ERBB4: variants seen among roughly 807,000 people sequenced by gnomAD.
ERBB4 encodes erb-b2 receptor tyrosine kinase 4, also known as receptor tyrosine-protein kinase erbB-4.
ERBB4 carries 42 observed loss-of-function variants against 158.0 expected under a neutral mutation model. That is an observed-to-expected ratio of 0.27 (90% CI 0.21 to 0.34). The LOEUF is 0.34. Ranked by LOEUF, ERBB4 falls within the 10% of genes least tolerant of loss-of-function variation. The pLI is 1.00. For synonymous variants in ERBB4, 583 were observed against 558.7 expected, an observed-to-expected ratio of 1.04 and a Z score of -0.61; for missense variants, 1,333 against 1,624.1, an observed-to-expected ratio of 0.82 and a Z score of 3.08.
chr2:212,221,655 A>G (rs1195759599), intron 1 of ERBB4, among the ~76,000 whole-genome samples: 3 of 151,670 alleles, frequency 2.0e-5, no homozygotes, highest in East Asian at 3.9e-4. Context: ...TGTGCCTGTC[A>G]AAAACAAAAT....
chr2:211,574,587 T>G (rs1879532), intron 19 of ERBB4, among the ~76,000 whole-genome samples: 107,687 of 152,074 alleles, frequency 0.71, 40,576 homozygotes, highest in East Asian at 0.89. Flanking sequence ...TCAGAATTGA[T>G]GTGAAAAATT....
intron 1 of ERBB4, among the ~76,000 whole-genome samples, chr2:212,500,840 C>A (rs1378149381): frequency 1.3e-5 from 2 of 152,066 alleles, no homozygotes; most frequent in East Asian, 3.9e-4. Context: ...AAAAAAGCAA[C>A]CTGCTAATCT....
chr2:211,716,697 C>CAACAA (rs1230963191), intron 7 of ERBB4, among the ~76,000 whole-genome samples: 2 of 126,042 alleles, frequency 1.6e-5, no homozygotes, highest in African/African-American at 3.4e-5. Context: ...ACAACAACAA[C>CAACAA]AACAAAACAA....
At chr2:211,754,955 C>A (rs943540406) in intron 4 of ERBB4, among the ~76,000 whole-genome samples, 3 of 152,170 alleles carry the variant, frequency 2.0e-5, no homozygotes, top group African/African-American at 7.2e-5. Context: ...CCTGTCTTGG[C>A]CTCCCAAAGT....
intron 1 of ERBB4, among the ~76,000 whole-genome samples, chr2:212,137,083 G>A (rs572965638): frequency 6.6e-6 from 1 of 152,058 alleles, no homozygotes; most frequent in Non-Finnish European, 1.5e-5. Flanking sequence ...AATCTCCAGT[G>A]GGTTGGTCTC....
intron 20 of ERBB4, among the ~76,000 whole-genome samples, chr2:211,442,137 C>A (rs1311456465): frequency 1.3e-5 from 2 of 152,074 alleles, no homozygotes; most frequent in East Asian, 3.9e-4. Flanking sequence ...ACTCTATGGC[C>A]AAGCAAAGCT....
chr2:211,531,426 G>T (rs2125662665), intron 20 of ERBB4, among the ~76,000 whole-genome samples: 1 of 151,326 alleles, frequency 6.6e-6, no homozygotes, highest in Non-Finnish European at 1.5e-5. Flanking sequence ...TCTGACAAGG[G>T]ATTAATAACC....
Position 211,998,575 on chromosome 2 carries a change from A to G in ERBB4, c.235-50959T>C, listed in dbSNP as rs534749737. 7.9e-5 allele frequency among the ~76,000 whole-genome samples: 12 copies of G among 151,104 alleles called. No individual in the cohort carries two copies. In the East Asian group the frequency reaches 2.3e-3, roughly 29 times the overall value. Reference sequence around the variant, plus strand: ...AATAATCCCTCCTTGACCTGAAATCAGCGTATACTTTGTAAGTAAATTTCC... The same window carrying G: ...AATAATCCCTCCTTGACCTGAAATCGGCGTATACTTTGTAAGTAAATTTCC... On this transcript the variant is annotated intron_variant, in intron 2 of 27. Transcript: ENST00000342788.
chr2:212,420,468 T>TTATTATA (rs1292483381), intron 1 of ERBB4, among the ~76,000 whole-genome samples: 1 of 152,168 alleles, frequency 6.6e-6, no homozygotes, highest in Non-Finnish European at 1.5e-5. Flanking sequence ...ATTTGGTCAG[T>TTATTATA]TATTATACTT....
chr2:212,447,774 T>TGGTG (rs2092383937), intron 1 of ERBB4, among the ~76,000 whole-genome samples: 1 of 147,104 alleles, frequency 6.8e-6, no homozygotes. Flanking sequence ...TCATAAAAGA[T>TGGTG]TGTGTGTGTG....
intron 20 of ERBB4, among the ~76,000 whole-genome samples, chr2:211,475,929 T>C (rs143675534): frequency 2.0e-5 from 3 of 152,160 alleles, no homozygotes; most frequent in African/African-American, 7.2e-5. Flanking sequence ...ACATAAAATG[T>C]TAAAATAACA....
chr2:211,482,765 C>T (rs1367256744), intron 20 of ERBB4, among the ~76,000 whole-genome samples: 12 of 151,926 alleles, frequency 7.9e-5, no homozygotes, highest in African/African-American at 2.9e-4. Flanking sequence ...AATAGCCGGG[C>T]GTGGTGGCAC....
chr2:211,682,878 T>C (rs1052505908), intron 12 of ERBB4, among the ~76,000 whole-genome samples: 1 of 152,054 alleles, frequency 6.6e-6, no homozygotes, highest in Admixed American at 6.6e-5. Flanking sequence ...TTTAATGTAA[T>C]AATTGAAATA....
intron 1 of ERBB4, among the ~76,000 whole-genome samples, chr2:212,314,920 G>A (rs1197403468): frequency 6.6e-6 from 1 of 151,192 alleles, no homozygotes; most frequent in Admixed American, 6.6e-5. Flanking sequence ...GACTGAGGCT[G>A]AATTAATTAA....
intron 20 of ERBB4, among the ~76,000 whole-genome samples, chr2:211,483,820 G>A (rs908843785): frequency 1.3e-5 from 2 of 151,864 alleles, no homozygotes; most frequent in Non-Finnish European, 2.9e-5. Context: ...CAAAGTGCTG[G>A]GACTACAGGC....
At chr2:212,324,418 A>G (rs1378635758) in intron 1 of ERBB4, among the ~76,000 whole-genome samples, 2 of 149,660 alleles carry the variant, frequency 1.3e-5, no homozygotes, top group African/African-American at 4.9e-5. Context: ...TAACCCAATC[A>G]TTGTGTTTAA....
chr2:211,937,289 G>T (rs897363615), intron 3 of ERBB4, among the ~76,000 whole-genome samples: 1 of 151,926 alleles, frequency 6.6e-6, no homozygotes, highest in Admixed American at 6.6e-5. Context: ...AGGGTTTTTC[G>T]TGTTACCTTG....
chr2:211,901,894 A>T (rs933441987), intron 3 of ERBB4, among the ~76,000 whole-genome samples: 1 of 152,134 alleles, frequency 6.6e-6, no homozygotes, highest in African/African-American at 2.4e-5. Flanking sequence ...CAATGTTTTT[A>T]AAAAATTGCA....
rs75077968 is a variant in ERBB4 at position 212,023,924 on chromosome 2, C to CT, written c.235-76309dup. 3.1e-3 allele frequency among the ~76,000 whole-genome samples: 444 copies of CT among 142,568 alleles called. 1 individual carries two copies. Among genetic ancestry groups the CT allele is most frequent in the African/African-American group, 7.5e-3 (293 of 39,090 alleles). 93.5% of individuals were successfully genotyped at this position (142,568 alleles called of 152,430 possible). On this transcript the variant is annotated intron_variant, in intron 2 of 27. Transcript: ENST00000342788. ...CAAAAACTTACACACAAAATATTGG[C>CT]TTTTTTTTTTTAGGAAAACAAATCA...
Sources: gnomAD v4.1 joint callset for allele counts (sites outside exome capture counted in the v4.1 genomes callset) on GRCh38, gnomAD v4.1.1 for gene constraint, MANE v1.5 for transcripts, NCBI Gene and HGNC (gene_info 2026-07-23, HGNC 2026-07-21) for gene names.